KCNN2: variants seen among roughly 807,000 people sequenced by gnomAD.
The protein encoded by KCNN2 is potassium calcium-activated channel subfamily N member 2.
A neutral mutation model predicts 55.5 loss-of-function variants in KCNN2; 24 were observed. The observed-to-expected ratio is 0.43, with a 90% confidence interval of 0.31 to 0.61. The LOEUF (loss-of-function observed/expected upper bound fraction) is 0.61. KCNN2 is among the 20% of genes least tolerant of loss of function. KCNN2 has a pLI of 0.08. For missense variants in KCNN2, 754 were observed against 853.6 expected, an observed-to-expected ratio of 0.88 and a Z score of 1.45; for synonymous variants, 431 against 336.1, an observed-to-expected ratio of 1.28 and a Z score of -3.09.
intron 5 of KCNN2, among the ~76,000 whole-genome samples, chr5:114,478,128 G>C (rs1762055493): frequency 6.6e-6 from 1 of 152,076 alleles, no homozygotes; most frequent in Non-Finnish European, 1.5e-5. Context: ...ATCTATCCCT[G>C]CTGCTGCAAG....
chr5:114,117,220 C>T (rs1370966504), intron 1 of KCNN2, among the ~76,000 whole-genome samples: 2 of 152,150 alleles, frequency 1.3e-5, no homozygotes, highest in Non-Finnish European at 2.9e-5. Context: ...GTTTTCTAAC[C>T]TGGCCACTTT....
intron 4 of KCNN2, among the ~76,000 whole-genome samples, chr5:114,464,078 A>C (rs1761332507): frequency 6.6e-6 from 1 of 152,256 alleles, no homozygotes; most frequent in East Asian, 1.9e-4. Flanking sequence ...CTGACATGCC[A>C]TCGTTCTTCT....
intron 2 of KCNN2, among the ~76,000 whole-genome samples, chr5:114,397,167 A>G (rs13354394): frequency 0.014 from 2,194 of 152,274 alleles, 58 homozygotes; most frequent in African/African-American, 0.05. Context: ...TATTGTGAAT[A>G]CTGCTGCAGT....
intron 1 of KCNN2, among the ~76,000 whole-genome samples, chr5:114,125,107 C>T (rs1751903709): frequency 6.6e-6 from 1 of 152,102 alleles, no homozygotes; most frequent in Non-Finnish European, 1.5e-5. Flanking sequence ...TAAAATTTTG[C>T]TCTAATTTGT....
At chr5:114,064,474 G>T (rs903188013) in intron 1 of KCNN2, among the ~76,000 whole-genome samples, 1 of 152,182 alleles carries the variant, frequency 6.6e-6, no homozygotes, top group African/African-American at 2.4e-5. Flanking sequence ...TGTGGGGAGA[G>T]CCACCATGTG....
intron 1 of KCNN2, among the ~76,000 whole-genome samples, chr5:114,219,056 C>G (rs1488925698): frequency 6.6e-6 from 1 of 152,194 alleles, no homozygotes; most frequent in African/African-American, 2.4e-5. Context: ...TGGGAGGGAG[C>G]AAGTAGGTAA....
At chr5:114,242,809 G>A (rs1754671036) in intron 2 of KCNN2, among the ~76,000 whole-genome samples, 1 of 152,104 alleles carries the variant, frequency 6.6e-6, no homozygotes, top group Admixed American at 6.6e-5. Flanking sequence ...CTAAAAATGT[G>A]GTTCATCTTT....
chr5:114,360,193 CT>C (rs1190182788), upstream of KCNN2, among the ~76,000 whole-genome samples: 15 of 152,088 alleles, frequency 9.9e-5, no homozygotes, highest in Non-Finnish European at 1.9e-4. Flanking sequence ...CCCCCCACCC[CT>C]TTTTTTCTGC....
At chr5:114,274,447 A>C (rs1330757212) in intron 2 of KCNN2, among the ~76,000 whole-genome samples, 1 of 152,098 alleles carries the variant, frequency 6.6e-6, no homozygotes, top group Non-Finnish European at 1.5e-5. Context: ...TTTTCATGAT[A>C]TTGATTTTTC....
intron 3 of KCNN2, among the ~76,000 whole-genome samples, chr5:114,424,205 CA>C (rs1457254315): frequency 1.3e-5 from 2 of 152,074 alleles, no homozygotes; most frequent in Admixed American, 1.3e-4. Flanking sequence ...TGAATAAATT[CA>C]AAAAACCAAA....
chr5:114,159,287 TTA>T (rs1278902853), intron 1 of KCNN2, among the ~76,000 whole-genome samples: 2 of 152,214 alleles, frequency 1.3e-5, no homozygotes, highest in Admixed American at 1.3e-4. Context: ...TTGGTTCTGT[TTA>T]TATGCTGGAT....
chr5:114,119,556 C>A (rs1751785317), intron 1 of KCNN2, among the ~76,000 whole-genome samples: 1 of 152,056 alleles, frequency 6.6e-6, no homozygotes, highest in South Asian at 2.1e-4. Flanking sequence ...ATCGCAGGCC[C>A]CTTCTATTTT....
intron 1 of KCNN2, among the ~76,000 whole-genome samples, chr5:114,133,218 G>T (rs1205788402): frequency 6.6e-6 from 1 of 151,382 alleles, no homozygotes; most frequent in Admixed American, 6.6e-5. Context: ...TTTTTTGTGG[G>T]TTCCTCTATT....
At chr5:114,308,963 G>C (rs1250325450) in intron 2 of KCNN2, among the ~76,000 whole-genome samples, 1 of 152,088 alleles carries the variant, frequency 6.6e-6, no homozygotes, top group African/African-American at 2.4e-5. Flanking sequence ...CAAAGGAATT[G>C]GTTATTGTAC....
chr5:114,256,145 A>C (rs144653243), intron 2 of KCNN2, among the ~76,000 whole-genome samples: 93 of 152,260 alleles, frequency 6.1e-4, no homozygotes, highest in Middle Eastern at 3.4e-3. Context: ...AATCATCTAC[A>C]GTTCCATCCA....
At chr5:114,482,622 A>C (rs529045109) in intron 5 of KCNN2, among the ~76,000 whole-genome samples, 1 of 152,328 alleles carries the variant, frequency 6.6e-6, no homozygotes, top group Non-Finnish European at 1.5e-5. Context: ...ACATGGAATC[A>C]ACCTAAATGC....
chr5:114,329,469 G>C (rs1421701333), intron 2 of KCNN2, among the ~76,000 whole-genome samples: 1 of 152,138 alleles, frequency 6.6e-6, no homozygotes, highest in Non-Finnish European at 1.5e-5. Context: ...CTCCCATGCT[G>C]GTTGCTTCCT....
intron 1 of KCNN2, among the ~76,000 whole-genome samples, chr5:114,206,302 C>T (rs1394583177): frequency 6.6e-6 from 1 of 152,042 alleles, no homozygotes; most frequent in Non-Finnish European, 1.5e-5. Context: ...TAAACATTTC[C>T]TTCTTCTTCT....
Position 114,496,219 on chromosome 5 carries a change from C to G in KCNN2, c.*37C>G, listed in dbSNP as rs1470724459. 21 of 1,598,152 alleles carry G rather than the reference C, an allele frequency of 1.3e-5. No individual in the cohort carries two copies. The highest frequency in any genetic ancestry group is 1.7e-5 in the Non-Finnish European group (20 of 1,169,786). On this transcript the variant is annotated 3_prime_UTR_variant, in exon 8 of 8. Coordinates refer to ENST00000673685, the MANE Select transcript of KCNN2 (RefSeq NM_021614.4). ...TTAACCACAAAATAAGACTTTTTGC[C>G]ATCATATGGTCAATATTTTAGCTTT... is the stretch of plus-strand genomic sequence containing the variant.
Sources: allele counts gnomAD v4.1 joint callset (sites outside exome capture counted in the v4.1 genomes callset), GRCh38; gene constraint gnomAD v4.1.1; transcripts MANE v1.5; gene names NCBI Gene and HGNC (gene_info 2026-07-23, HGNC 2026-07-21).